ATP2A2: variants seen among roughly 807,000 people sequenced by gnomAD.
ATP2A2 encodes ATPase sarcoplasmic/endoplasmic reticulum Ca2+ transporting 2, also known as sarcoplasmic/endoplasmic reticulum calcium ATPase 2.
In ATP2A2, 14 loss-of-function variants were observed where a neutral mutation model predicts 109.3. The observed-to-expected ratio is 0.13, with a 90% confidence interval of 0.08 to 0.20. The LOEUF is 0.20. Among genes scored for constraint, ATP2A2 ranks in the 10% least tolerant of loss-of-function variants. The pLI is 1.00. For missense variants in ATP2A2, 657 were observed against 1,321.6 expected, an observed-to-expected ratio of 0.50 and a Z score of 7.80; for synonymous variants, 506 against 490.9, an observed-to-expected ratio of 1.03 and a Z score of -0.41.
intron 5 of ATP2A2, among the ~76,000 whole-genome samples, chr12:110,317,032 G>A (rs1369203778): frequency 6.6e-6 from 1 of 152,170 alleles, no homozygotes; most frequent in Non-Finnish European, 1.5e-5. Context: ...GGGGTATTGT[G>A]TAATGTTCCT....
rs1388458520 is a variant in ATP2A2 at position 110,318,859 on chromosome 12, C to G, written c.464-4133C>G. 2.0e-5 allele frequency among the ~76,000 whole-genome samples: 3 copies of G among 152,216 alleles called. No individual in the cohort carries two copies. The East Asian group carries it at 5.8e-4, about 29-fold the overall frequency. On this transcript the variant is annotated intron_variant, in intron 5 of 19. Coordinates refer to ENST00000539276, the MANE Select transcript of ATP2A2 (RefSeq NM_170665.4). Reference sequence around the variant, plus strand: ...TAGAAGCCAATTAAACATAGAAACTCTAAGGTAGCATATTTCCCAAGTGTT... The same window carrying G: ...TAGAAGCCAATTAAACATAGAAACTGTAAGGTAGCATATTTCCCAAGTGTT...
intron 5 of ATP2A2, among the ~76,000 whole-genome samples, chr12:110,308,546 T>C (rs1479601906): frequency 6.6e-6 from 1 of 152,248 alleles, no homozygotes; most frequent in Non-Finnish European, 1.5e-5. Flanking sequence ...GCAACTATTA[T>C]ATGGAACATT....
chr12:110,299,732 A>T (rs1408451422), intron 5 of ATP2A2, among the ~76,000 whole-genome samples: 1 of 152,014 alleles, frequency 6.6e-6, no homozygotes, highest in Admixed American at 6.6e-5. Context: ...TGATTCTCCC[A>T]CCTCAGTCTC....
At chr12:110,317,390 A>T (rs1183166628) in intron 5 of ATP2A2, among the ~76,000 whole-genome samples, 2 of 151,388 alleles carry the variant, frequency 1.3e-5, no homozygotes, top group Non-Finnish European at 2.9e-5. Context: ...GATTTTTTAA[A>T]AAAATAATGC....
rs1220895631 is a variant in ATP2A2 at position 110,322,982 on chromosome 12, T to C, written c.464-10T>C. The C allele has an allele frequency of 1.9e-6, 3 of 1,605,588 alleles. No homozygotes were observed. Among genetic ancestry groups the C allele is most frequent in the Non-Finnish European group, 2.6e-6 (3 of 1,172,350 alleles). On this transcript the variant is annotated splice_polypyrimidine_tract_variant and intron_variant, in intron 5 of 19. Coordinates refer to ENST00000539276, the MANE Select transcript of ATP2A2 (RefSeq NM_170665.4). ...GCTCATTTCAGCCGCCTTTTTTTTC[T>C]CCTAATTAGTTGGTGACAAAGTTCC... is the stretch of plus-strand genomic sequence containing the variant.
chr12:110,281,868 G>T lies in ATP2A2; in HGVS notation c.79G>T (p.Glu27Ter). 1 of 1,579,610 alleles carries T rather than the reference G, an allele frequency of 6.3e-7. No homozygotes were observed. Among genetic ancestry groups the T allele is most frequent in the East Asian group, 2.4e-5 (1 of 42,394 alleles). The change falls in exon 1 of 20, where the codon GAA becomes TAA. Residue 27 changes from glutamate to a stop codon, truncating the protein, a stop_gained. Coordinates refer to ENST00000539276, the MANE Select transcript of ATP2A2 (RefSeq NM_170665.4). LOFTEE classifies it high-confidence loss of function. ...CAACGAGAGTACGGGGCTGAGCCTG[G>T]AACAGGTCAAGAAGCTTAAGGAGAG... Reference protein sequence around the residue: ...GVNESTGLSLEQVKKLKERWG... With the variant: ...GVNESTGLSL
At chr12:110,290,547 A>G (rs1429632765) in intron 3 of ATP2A2, among the ~76,000 whole-genome samples, 1 of 152,212 alleles carries the variant, frequency 6.6e-6, no homozygotes. Flanking sequence ...CCCTCTCCCC[A>G]GATTTTATTT....
At chr12:110,293,864 G>GTGTATATATATATA (rs1262234570) in intron 4 of ATP2A2, among the ~76,000 whole-genome samples, 5 of 84,890 alleles carry the variant, frequency 5.9e-5, no homozygotes, top group African/African-American at 3.2e-4. Context: ...GTGTGTGTGT[G>GTGTATATATATATA]TATATATTTT....
In ATP2A2 at chr12:110,349,703, TACC is replaced by T; in HGVS notation, c.*3236_*3238del. ...CTAGCCACTGTCCAGGGCCAGAGCATACCACGTCTGCAGTGCCTGTGAGCAGAG... is the reference window on the plus strand; with the variant it reads ...CTAGCCACTGTCCAGGGCCAGAGCATACGTCTGCAGTGCCTGTGAGCAGAG... On this transcript the variant is annotated 3_prime_UTR_variant, in exon 20 of 20. Transcript: ENST00000539276. 1.0e-6 allele frequency: 1 copy of T among 1,002,658 alleles called. No homozygotes were observed. Among genetic ancestry groups the T allele is most frequent in the South Asian group, 4.3e-5 (1 of 23,380 alleles). 62.1% of individuals were successfully genotyped at this position (1,002,658 alleles called of 1,614,324 possible).
intron 8 of ATP2A2, chr12:110,330,567 A>G (rs754652780): frequency 1.3e-5 from 2 of 152,254 alleles, no homozygotes; most frequent in African/African-American, 4.8e-5. Context: ...TATGTCTGTG[A>G]AAGTAAGCCA....
intron 8 of ATP2A2, chr12:110,331,396 A>T (rs1878324418): frequency 6.6e-6 from 1 of 152,054 alleles, no homozygotes; most frequent in African/African-American, 2.4e-5. Flanking sequence ...GCTAGAGTGC[A>T]GTGGCGCAAT....
At chr12:110,293,826 ATG>A (rs59260681) in intron 4 of ATP2A2, among the ~76,000 whole-genome samples, 8,427 of 108,430 alleles carry the variant, frequency 0.078, 414 homozygotes, top group Non-Finnish European at 0.098. Context: ...TGCCATATAT[ATG>A]TGTGTGTGTG....
At chr12:110,319,503 C>T (rs1877025892) in intron 5 of ATP2A2, among the ~76,000 whole-genome samples, 1 of 151,092 alleles carries the variant, frequency 6.6e-6, no homozygotes. Context: ...TGTATCAATA[C>T]AGTTTCTGCA....
At chr12:110,284,741 G>C (rs1439123184) in intron 3 of ATP2A2, among the ~76,000 whole-genome samples, 1 of 152,172 alleles carries the variant, frequency 6.6e-6, no homozygotes, top group Non-Finnish European at 1.5e-5. Flanking sequence ...TAACTGTGGA[G>C]TTACTGCTCA....
chr12:110,320,591 T>C (rs2137796750), intron 5 of ATP2A2, among the ~76,000 whole-genome samples: 1 of 152,358 alleles, frequency 6.6e-6, no homozygotes, highest in African/African-American at 2.4e-5. Context: ...ATATAGTTAC[T>C]TTGTTGTCTT....
intron 3 of ATP2A2, among the ~76,000 whole-genome samples, chr12:110,290,914 GT>G (rs1053752471): frequency 7.3e-5 from 11 of 150,354 alleles, no homozygotes; most frequent in African/African-American, 2.4e-4. Context: ...ATGAAGTATA[GT>G]TTTTTGTTTG....
At position 110,282,795 on chromosome 12, in the gene ATP2A2, T is replaced by C; in HGVS notation, c.219T>C (p.Phe73=). 6.2e-7 allele frequency: 1 copy of C among 1,611,056 alleles called. No individual in the cohort carries two copies. The highest frequency in any genetic ancestry group is 8.5e-7 in the Non-Finnish European group (1 of 1,177,626). The change falls in exon 3 of 20, where the codon TTT becomes TTC. Residue 73 remains phenylalanine (F), a splice_region_variant and synonymous_variant. Transcript: ENST00000539276. ...RILLLAACIS[F]VLAWFEEGEE... ...TATTACTGGCAGCATGTATATCTTT[T>C]GTAAGTATAAAAAAATTTATTTTCT...
chr12:110,282,184 G>A (rs776543289), intron 1 of ATP2A2, among the ~76,000 whole-genome samples: 1 of 152,206 alleles, frequency 6.6e-6, no homozygotes. Flanking sequence ...AGGGAGGGAC[G>A]TGGCTTCTGC....
At chr12:110,282,300 A>T (rs1230192082) in intron 1 of ATP2A2, among the ~76,000 whole-genome samples, 2 of 152,180 alleles carry the variant, frequency 1.3e-5, no homozygotes, top group African/African-American at 4.8e-5. Context: ...AAAGTTACAC[A>T]TCTGGCAGAA....
Sources: gnomAD v4.1 joint callset for allele counts (sites outside exome capture counted in the v4.1 genomes callset) on GRCh38, gnomAD v4.1.1 for gene constraint, MANE v1.5 for transcripts, NCBI Gene and HGNC (gene_info 2026-07-23, HGNC 2026-07-21) for gene names.